The following FAXDC2 variants were observed in gnomAD, a reference collection of about 807,000 sequenced individuals.
FAXDC2 encodes the protein fatty acid hydroxylase domain containing 2, also known as fatty acid hydroxylase domain-containing protein 2.
Under a neutral mutation model 40.9 loss-of-function variants are expected in FAXDC2, and 41 were observed. The ratio of observed to expected loss-of-function variants is 1.00; its 90% CI spans 0.78 to 1.30. FAXDC2 has a LOEUF of 1.30. FAXDC2 is among the 50% of genes most tolerant of loss of function. The pLI is 0.00. For missense variants in FAXDC2, 390 were observed against 408.8 expected (o/e 0.95, Z 0.40); for synonymous variants, 157 against 149.3 (o/e 1.05, Z -0.38).
chr5:154,847,484 TTTC>T (rs1319679529), intron 1 of FAXDC2, among the ~76,000 whole-genome samples: 12 of 149,092 alleles, frequency 8.0e-5, no homozygotes, highest in Admixed American at 4.1e-4. Flanking sequence ...TCTTTCTTTC[TTTC>T]TTTTTTTTTT....
At chr5:154,828,124 C>G (rs1760090656) in intron 5 of FAXDC2, among the ~76,000 whole-genome samples, 2 of 151,892 alleles carry the variant, frequency 1.3e-5, no homozygotes, top group Non-Finnish European at 2.9e-5. Context: ...TCTGGGATTA[C>G]AGGCGTGAGC....
At chr5:154,842,260 C>G (rs1760492115) in intron 1 of FAXDC2, among the ~76,000 whole-genome samples, 1 of 152,022 alleles carries the variant, frequency 6.6e-6, no homozygotes, top group African/African-American at 2.4e-5. Context: ...CGTAGTGGCA[C>G]AATCTCAGCT....
chr5:154,830,833 G>C lies in FAXDC2; in HGVS notation c.334C>G (p.Arg112Gly). Residue 112 changes from arginine to glycine, a missense_variant, in exon 5 of 9, where the codon CGC becomes GGC. By Grantham distance (125) the Arg-to-Gly change is moderately radical. Coordinates refer to ENST00000326080, the MANE Select transcript of FAXDC2 (RefSeq NM_032385.5). ...DTTGKPNFIS[R>G]YRIQVGKNEP... The stretch of plus-strand genomic sequence containing the variant: ...TTCTTGCCGACCTGAATTCGGTAGC[G>C]AGAGATGAAGTTAGGTTTTCCTGTT... The C allele has an allele frequency of 5.6e-6, 9 of 1,614,140 alleles. No homozygotes were observed. The highest frequency in any genetic ancestry group is 7.6e-6 in the Non-Finnish European group (9 of 1,179,992).
rs200055092 is a variant in FAXDC2, at chr5:154,830,824, T to C, written c.343A>G (p.Ile115Val). Residue 115 changes from isoleucine (I) to valine (V), a missense_variant, in exon 5 of 9, where the codon ATT becomes GTT. Physicochemically the swap from Ile to Val is conservative, Grantham distance 29 (BLOSUM62 3). Transcript: ENST00000326080. ...ACAGGTTCATTCTTGCCGACCTGAATTCGGTAGCGAGAGATGAAGTTAGGT... is the reference window on the plus strand; with the variant it reads ...ACAGGTTCATTCTTGCCGACCTGAACTCGGTAGCGAGAGATGAAGTTAGGT... ...GKPNFISRYRIQVGKNEPVDP... is the reference protein window; with the variant it reads ...GKPNFISRYRVQVGKNEPVDP... 3,088 of 1,614,148 alleles carry C rather than the reference T, an allele frequency of 1.9e-3. 83 individuals are homozygous for C. The South Asian group carries it at 0.032, about 17-fold the overall frequency.
intron 4 of FAXDC2, among the ~76,000 whole-genome samples, chr5:154,831,986 G>C (rs759434597): frequency 2.0e-5 from 3 of 151,816 alleles, no homozygotes; most frequent in Non-Finnish European, 4.4e-5. Context: ...ATTAAGTAAG[G>C]CTACATTAAT....
chr5:154,825,468 C>A (rs1186867950), intron 5 of FAXDC2, among the ~76,000 whole-genome samples: 1 of 151,184 alleles, frequency 6.6e-6, no homozygotes, highest in African/African-American at 2.4e-5. Context: ...ACCAGCCTGA[C>A]CAATACGGTG....
intron 5 of FAXDC2, among the ~76,000 whole-genome samples, chr5:154,826,527 T>TAAAAAA (rs764669604): frequency 3.0e-5 from 3 of 101,490 alleles, no homozygotes; most frequent in Non-Finnish European, 4.2e-5. Flanking sequence ...AGACTGTCTC[T>TAAAAAA]AAAAAAAAAA....
Position 154,821,654 on chromosome 5 carries a change from G to A in FAXDC2, c.679-228C>T, listed in dbSNP as rs1759892340. On this transcript the variant is annotated intron_variant, in intron 7 of 8. Transcript: ENST00000326080. ...TGTTAGCAAAATTAAGATTAAAAAG[G>A]TTGTTGGAGGAGCCAGGTGTGGTGA... 3.9e-5 allele frequency among the ~76,000 whole-genome samples: 6 copies of A among 152,244 alleles called. No individual in the cohort carries two copies. The South Asian group carries it at 1.2e-3, about 32-fold the overall frequency.
At chr5:154,821,507 T>C in intron 7 of FAXDC2, 81 bp from the exon 8 acceptor site, 1 of 1,155,730 alleles carries the variant, frequency 8.7e-7, no homozygotes, top group Non-Finnish European at 1.2e-6. Flanking sequence ...CCCAAGGTGG[T>C]ACCAGAGGCA....
At position 154,824,737 on chromosome 5, in the gene FAXDC2, GC is replaced by G. The variant is rs562411096; in HGVS notation, c.367-1146del. On this transcript the variant is annotated intron_variant, in intron 5 of 8. Transcript: ENST00000326080. The stretch of plus-strand genomic sequence containing the variant: ...AAGCATGAGCAAAACAAAGATTCCT[GC>G]CCCCATGGAATTTATGTTCCAGTGA... 448 of 574,246 alleles carry G rather than the reference GC, an allele frequency of 7.8e-4. 1 individual carries two copies. Among genetic ancestry groups the G allele is most frequent in the East Asian group, 4.7e-3 (165 of 35,224 alleles). The allele number at this position is 574,246 out of a possible 1,614,324, so 35.6% of individuals were successfully genotyped here.
At chr5:154,842,328 G>A (rs1760493997) in intron 1 of FAXDC2, among the ~76,000 whole-genome samples, 1 of 151,506 alleles carries the variant, frequency 6.6e-6, no homozygotes, top group African/African-American at 2.4e-5. Flanking sequence ...CTCCCTAGTA[G>A]CTGAGATTAC....
chr5:154,834,063 T>G (rs1423296387), intron 4 of FAXDC2, among the ~76,000 whole-genome samples: 2 of 148,458 alleles, frequency 1.3e-5, no homozygotes, highest in Non-Finnish European at 3.0e-5. Context: ...AAATGTATAT[T>G]ATATATAATA....
At chr5:154,847,847 C>CT (rs140975103) in intron 1 of FAXDC2, among the ~76,000 whole-genome samples, 59,263 of 145,774 alleles carry the variant, frequency 0.41, 13,196 homozygotes, top group Middle Eastern at 0.56. Context: ...ATGAATGTTC[C>CT]TTTTTTTTTT....
intron 4 of FAXDC2, among the ~76,000 whole-genome samples, chr5:154,831,750 CCTT>C (rs1760198456): frequency 1.3e-5 from 2 of 151,966 alleles, no homozygotes; most frequent in Non-Finnish European, 2.9e-5. Flanking sequence ...TTGGTACAAA[CCTT>C]CTAGAGGGCA....
chr5:154,844,816 ACT>A lies in FAXDC2; in HGVS notation c.-1+5665_-1+5666del, dbSNP rs1388159968. 3.3e-5 allele frequency among the ~76,000 whole-genome samples: 5 copies of A among 152,140 alleles called. 1 individual carries two copies. The highest frequency in any genetic ancestry group is 3.3e-4 in the Admixed American group (5 of 15,268). Reference sequence around the variant, plus strand: ...CTCTGGAAGAAGACAGCTCTGGTTCACTCTACAGGGCAGAGTGCTGATCATGC... The same window carrying A: ...CTCTGGAAGAAGACAGCTCTGGTTCACTACAGGGCAGAGTGCTGATCATGC... On this transcript the variant is annotated intron_variant, in intron 1 of 8. Coordinates refer to ENST00000326080, the MANE Select transcript of FAXDC2 (RefSeq NM_032385.5).
chr5:154,847,978 C>A lies in FAXDC2; in HGVS notation c.-1+2505G>T, dbSNP rs182673133. Among the ~76,000 whole-genome samples the A allele has an allele frequency of 2.7e-4, 41 of 151,534 alleles. No homozygotes were observed. In the East Asian group the frequency reaches 6.9e-3, roughly 25 times the overall value. On this transcript the variant is annotated intron_variant, in intron 1 of 8. Transcript: ENST00000326080. ...CCTCAGCCTCCCGAGTAGCTGGGAC[C>A]ACAGGTGCCTGCCACCACGCCTGGC...
rs531188615 is a variant in FAXDC2 at position 154,831,521 on chromosome 5, C to T, written c.245-599G>A. 4.6e-5 allele frequency among the ~76,000 whole-genome samples: 7 copies of T among 152,062 alleles called. No homozygotes were observed. In the South Asian group the frequency reaches 8.3e-4, roughly 18 times the overall value. ...TGGAAGTGCAGTTGTGTGATCATGG[C>T]TCACTGTAGCCTCGACCTGCCAAGC... is the stretch of plus-strand genomic sequence containing the variant. On this transcript the variant is annotated intron_variant, in intron 4 of 8. Transcript: ENST00000326080.
intron 8 of FAXDC2, chr5:154,820,919 A>G (rs1233918273): frequency 9.9e-6 from 3 of 302,024 alleles, no homozygotes; most frequent in Non-Finnish European, 1.9e-5. Flanking sequence ...AGGTTTGTAG[A>G]CTACACTTGA....
chr5:154,845,080 T>C (rs1760568718), intron 1 of FAXDC2, among the ~76,000 whole-genome samples: 1 of 152,358 alleles, frequency 6.6e-6, no homozygotes, highest in South Asian at 2.1e-4. Context: ...ATTTATTCTT[T>C]AGTTACGCCA....
Sources: gnomAD v4.1 joint callset for allele counts (sites outside exome capture counted in the v4.1 genomes callset) on GRCh38, gnomAD v4.1.1 for gene constraint, MANE v1.5 for transcripts, NCBI Gene and HGNC (gene_info 2026-07-23, HGNC 2026-07-21) for gene names.